RTN1: variants seen among roughly 807,000 people sequenced by gnomAD.
RTN1 encodes the protein reticulon 1.
RTN1 carries 25 observed loss-of-function variants against 65.5 expected under a neutral mutation model. The observed-to-expected ratio is 0.38, with a 90% CI of 0.28 to 0.53. The LOEUF is 0.53. RTN1 is among the 20% of genes least tolerant of loss of function. The pLI is 0.79. For synonymous variants in RTN1, 471 were observed against 447.6 expected (o/e 1.05, Z -0.66); for missense variants, 983 against 1,025.4 (o/e 0.96, Z 0.57).
At chr14:59,673,524 G>A (rs1357356324) in intron 3 of RTN1, among the ~76,000 whole-genome samples, 1 of 152,208 alleles carries the variant, frequency 6.6e-6, no homozygotes, top group African/African-American at 2.4e-5. Context: ...TCTCAACTGC[G>A]AGAGGGGACC....
At chr14:59,606,063 G>A (rs1486642284) in intron 4 of RTN1, 2 of 145,406 alleles carry the variant, frequency 1.4e-5, no homozygotes, top group African/African-American at 5.4e-5. Flanking sequence ...TTTTTCATTA[G>A]TTCAAATGGT....
intron 1 of RTN1, among the ~76,000 whole-genome samples, chr14:59,830,772 T>C (rs1887112017): frequency 6.6e-6 from 1 of 152,202 alleles, no homozygotes; most frequent in Admixed American, 6.5e-5. Flanking sequence ...TGGATTTAGT[T>C]CATAGGGTGG....
Position 59,745,776 on chromosome 14 carries a change from G to A in RTN1, c.947C>T (p.Pro316Leu), listed in dbSNP as rs764403484. ...ICLKPSPDTV[P>L]TVTVSEPEDD... ...TTCAGGCTCCGAGACAGTGACAGTG[G>A]GGACTGTGTCAGGACTTGGCTTTAG... The change falls in exon 2 of 9, where the codon CCC becomes CTC. Residue 316 changes from proline to leucine, a missense_variant. By Grantham distance (98) the Pro-to-Leu change is moderately conservative. Transcript: ENST00000267484. 5 of 1,614,002 alleles carry A rather than the reference G, an allele frequency of 3.1e-6. No individual in the cohort carries two copies.
intron 2 of RTN1, among the ~76,000 whole-genome samples, chr14:59,734,557 T>C (rs1337835841): frequency 6.6e-6 from 1 of 152,026 alleles, no homozygotes; most frequent in Non-Finnish European, 1.5e-5. Context: ...CAGCTAGAGC[T>C]GAAAAACACA....
intron 3 of RTN1, among the ~76,000 whole-genome samples, chr14:59,673,028 C>T (rs976674551): frequency 6.6e-6 from 1 of 152,200 alleles, no homozygotes; most frequent in Admixed American, 6.5e-5. Flanking sequence ...ACATTGGTTT[C>T]CTGTTTCTCT....
intron 3 of RTN1, among the ~76,000 whole-genome samples, chr14:59,698,385 T>C (rs1181662334): frequency 6.6e-6 from 1 of 152,130 alleles, no homozygotes; most frequent in Non-Finnish European, 1.5e-5. Flanking sequence ...TGCCTGCCAT[T>C]TTTCAATAGA....
intron 3 of RTN1, chr14:59,630,732 A>AT (rs1882531075): frequency 1.8e-6 from 2 of 1,108,628 alleles, no homozygotes; most frequent in Non-Finnish European, 2.2e-6. Flanking sequence ...GCCTGCGCGC[A>AT]TGGGGATGCG....
At chr14:59,737,703 A>C (rs1320922193) in intron 2 of RTN1, among the ~76,000 whole-genome samples, 1 of 152,250 alleles carries the variant, frequency 6.6e-6, no homozygotes, top group East Asian at 1.9e-4. Flanking sequence ...CAGAATAGCC[A>C]AGACAATCCT....
chr14:59,690,405 C>T (rs727691), intron 3 of RTN1, among the ~76,000 whole-genome samples: 2 of 152,024 alleles, frequency 1.3e-5, no homozygotes, highest in African/African-American at 4.8e-5. Flanking sequence ...CTTAACTATC[C>T]TAAATATATA....
chr14:59,819,636 G>A (rs1886901896), intron 1 of RTN1, among the ~76,000 whole-genome samples: 2 of 152,022 alleles, frequency 1.3e-5, no homozygotes, highest in Non-Finnish European at 1.5e-5. Context: ...GGGACCGGGC[G>A]CTGCGGAGCA....
chr14:59,818,827 G>C (rs1283133047), intron 1 of RTN1, among the ~76,000 whole-genome samples: 2 of 152,200 alleles, frequency 1.3e-5, no homozygotes, highest in East Asian at 1.9e-4. Flanking sequence ...AGCGACATCT[G>C]CTATTTTTTG....
At chr14:59,628,137 C>T (rs571201330) in intron 3 of RTN1, among the ~76,000 whole-genome samples, 1 of 152,054 alleles carries the variant, frequency 6.6e-6, no homozygotes, top group African/African-American at 2.4e-5. Context: ...GAGTTTGATA[C>T]CAGCCTGGGC....
chr14:59,616,742 G>A (rs1882112192), intron 3 of RTN1, among the ~76,000 whole-genome samples: 3 of 152,222 alleles, frequency 2.0e-5, no homozygotes, highest in South Asian at 4.1e-4. Context: ...TTTTCAAAAG[G>A]CAGTTTATAA....
chr14:59,798,675 T>C (rs1488721351), intron 1 of RTN1, among the ~76,000 whole-genome samples: 3 of 152,146 alleles, frequency 2.0e-5, no homozygotes, highest in African/African-American at 7.2e-5. Flanking sequence ...GTGATTACAT[T>C]GGGCCCGCCT....
At chr14:59,788,179 C>A (rs543285281) in intron 1 of RTN1, among the ~76,000 whole-genome samples, 1 of 152,270 alleles carries the variant, frequency 6.6e-6, no homozygotes, top group African/African-American at 2.4e-5. Flanking sequence ...CAATAAATGT[C>A]CTTGTACACA....
rs1377208180 is a variant in RTN1 at position 59,727,968 on chromosome 14, G to A, written c.1016-300C>T. Reference sequence around the variant, plus strand: ...GCAATATCTTAGCAACAGAATCTCAGTTGGTGTTCCTGTTTCAATGCAGAG... The same window carrying A: ...GCAATATCTTAGCAACAGAATCTCAATTGGTGTTCCTGTTTCAATGCAGAG... On this transcript the variant is annotated intron_variant, in intron 2 of 8. Coordinates refer to ENST00000267484, the MANE Select transcript of RTN1 (RefSeq NM_021136.3). This position sits in a 1 kb window ranked among gnomAD's most constrained non-coding sequence, Gnocchi z 4.2. Among the ~76,000 whole-genome samples the A allele has an allele frequency of 6.6e-6, 1 of 152,174 alleles. No individual in the cohort carries two copies. Among genetic ancestry groups the A allele is most frequent in the African/African-American group, 2.4e-5 (1 of 41,440 alleles).
At chr14:59,714,248 A>AC (rs1274878090) in intron 3 of RTN1, among the ~76,000 whole-genome samples, 12 of 151,358 alleles carry the variant, frequency 7.9e-5, no homozygotes, top group African/African-American at 2.9e-4. Flanking sequence ...AAAAAAAAAA[A>AC]AAAAAATAGA....
intron 1 of RTN1, among the ~76,000 whole-genome samples, chr14:59,805,589 TAAAAC>T (rs1196031791): frequency 6.6e-6 from 1 of 152,160 alleles, no homozygotes; most frequent in Non-Finnish European, 1.5e-5. Flanking sequence ...ATTACACACA[TAAAAC>T]AAATCTTTTT....
chr14:59,792,301 T>C (rs1362831066), intron 1 of RTN1, among the ~76,000 whole-genome samples: 1 of 151,846 alleles, frequency 6.6e-6, no homozygotes, highest in Non-Finnish European at 1.5e-5. Flanking sequence ...TAAGTTTTGC[T>C]CTTCAATAGT....
Sources: gnomAD v4.1 joint callset for allele counts (sites outside exome capture counted in the v4.1 genomes callset) on GRCh38, gnomAD v4.1.1 for gene constraint, Gnocchi (gnomAD v3.1) non-coding constraint, MANE v1.5 for transcripts, NCBI Gene and HGNC (gene_info 2026-07-23, HGNC 2026-07-21) for gene names.